The following MASTL variants were observed in gnomAD, a reference collection of about 807,000 sequenced individuals.
MASTL encodes the protein serine/threonine-protein kinase greatwall.
Under a neutral mutation model 82.5 loss-of-function variants are expected in MASTL, and 54 were observed. The observed-to-expected ratio is 0.65, with a 90% CI of 0.53 to 0.82. The LOEUF (loss-of-function observed/expected upper bound fraction) is 0.82. Among genes scored for constraint, MASTL ranks in the 40% least tolerant of loss-of-function variants. The pLI is 0.00. For synonymous variants in MASTL, 323 were observed against 368.9 expected (o/e 0.88, Z 1.43); for missense variants, 950 against 1,047.8 (o/e 0.91, Z 1.29).
Position 27,187,428 on chromosome 10 carries a change from G to A in MASTL, c.*892G>A, listed in dbSNP as rs1280606283. ...GGTTTTGCCACCTTAATTTCTATTG[G>A]TGCGTAGTCCACAATATGTATTTGT... On this transcript the variant is annotated 3_prime_UTR_variant, in exon 12 of 12. Transcript: ENST00000375940. 6.6e-6 allele frequency among the ~76,000 whole-genome samples: 1 copy of A among 152,082 alleles called. No homozygotes were observed. The highest frequency in any genetic ancestry group is 1.5e-5 in the Non-Finnish European group (1 of 68,022).
At chr10:27,177,393 T>C (rs1471596658) in intron 9 of MASTL, among the ~76,000 whole-genome samples, 1 of 152,162 alleles carries the variant, frequency 6.6e-6, no homozygotes, top group Non-Finnish European at 1.5e-5. Flanking sequence ...GGACACAGTG[T>C]GAAAGTAAGC....
rs369461453 is a variant in MASTL, at chr10:27,161,160, T to C, written c.531T>C (p.Leu177=). 5.0e-6 allele frequency: 8 copies of C among 1,604,936 alleles called. No homozygotes were observed. In the African/African-American group the frequency reaches 8.0e-5, roughly 16 times the overall value. The part of the protein sequence containing the change: ...EGHIKLTDFG[L]SKVTLNRDIN... ...ATATTAAACTGACGGATTTTGGCCT[T>C]TCAAAAGTTACTTTGAATAGAGGTA... Residue 177 remains leucine, a synonymous_variant, in exon 4 of 12, where the codon CTT becomes CTC. Coordinates refer to ENST00000375940, the MANE Select transcript of MASTL (RefSeq NM_001172303.3).
chr10:27,171,639 C>T (rs1019829860), intron 8 of MASTL, among the ~76,000 whole-genome samples: 2 of 151,034 alleles, frequency 1.3e-5, no homozygotes, highest in Non-Finnish European at 2.9e-5. Context: ...CACCATGTTG[C>T]CCAGGCTGAT....
At chr10:27,179,894 G>A (rs1436535987) in intron 9 of MASTL, among the ~76,000 whole-genome samples, 1 of 152,064 alleles carries the variant, frequency 6.6e-6, no homozygotes, top group Admixed American at 6.6e-5. Context: ...GTAGTAGTCT[G>A]CCTATTTTAG....
In MASTL at chr10:27,170,269, A is replaced by C. The variant is rs1329398305; in HGVS notation, c.1310A>C (p.His437Pro). 1 of 1,614,130 alleles carries C rather than the reference A, an allele frequency of 6.2e-7. No individual in the cohort carries two copies. Among genetic ancestry groups the C allele is most frequent in the South Asian group, 1.1e-5 (1 of 91,082 alleles). ...GATTCTGGTGGGATATCTGAAGAGC[A>C]CCTTGGGAAAAGAAGTTTAAAAAGA... ...AVDSGGISEEHLGKRSLKRNF... is the reference protein window; with the variant it reads ...AVDSGGISEEPLGKRSLKRNF... The change falls in exon 8 of 12, where the codon CAC becomes CCC. Residue 437 changes from histidine (H) to proline (P), a missense_variant. Transcript: ENST00000375940.
Position 27,186,851 on chromosome 10 carries a change from TTC to T in MASTL, c.*317_*318del, listed in dbSNP as rs2058789360. 1 of 343,592 alleles carries T rather than the reference TTC, an allele frequency of 2.9e-6. No homozygotes were observed. The highest frequency in any genetic ancestry group is 2.1e-5 in the African/African-American group (1 of 47,406). 21.3% of individuals were successfully genotyped at this position (343,592 alleles called of 1,614,324 possible). A position where few individuals can be genotyped will look rare whatever the true frequency, so the allele number is the denominator to read the frequency against. On this transcript the variant is annotated 3_prime_UTR_variant, in exon 12 of 12. Coordinates refer to ENST00000375940, the MANE Select transcript of MASTL (RefSeq NM_001172303.3). ...TTGAGAGTGAGCCACTAGCTTGATTTTCTTTCTCCTCTGATTTCAGTTCACTG... is the reference window on the plus strand; with the variant it reads ...TTGAGAGTGAGCCACTAGCTTGATTTTTTCTCCTCTGATTTCAGTTCACTG...
chr10:27,158,444 C>G, intron 1 of MASTL, 105 bp from the exon 2 acceptor site: 1 of 891,178 alleles, frequency 1.1e-6, no homozygotes, highest in Non-Finnish European at 1.8e-6. Context: ...GAAATCAAGG[C>G]TGCAATAAGC....
chr10:27,185,618 CAAAAAAAA>C (rs34847161), intron 11 of MASTL, among the ~76,000 whole-genome samples: 1 of 98,584 alleles, frequency 1.0e-5, no homozygotes, highest in Admixed American at 1.2e-4. Flanking sequence ...AGGTGACAGA[CAAAAAAAA>C]AAAAAAAAAA....
At position 27,165,369 on chromosome 10, in the gene MASTL, T is replaced by A; in HGVS notation, c.661-20T>A. 1 of 1,613,678 alleles carries A rather than the reference T, an allele frequency of 6.2e-7. No homozygotes were observed. Among genetic ancestry groups the A allele is most frequent in the Non-Finnish European group, 8.5e-7 (1 of 1,179,848 alleles). On this transcript the variant is annotated intron_variant, in intron 5 of 11. Coordinates refer to ENST00000375940, the MANE Select transcript of MASTL (RefSeq NM_001172303.3). ...TTGGGGAAGGTAAACCTGTTGTTTT[T>A]ATTTTTCTCTTTTTAATAGAACACA...
At chr10:27,157,974 G>A (rs1392165051) in intron 1 of MASTL, among the ~76,000 whole-genome samples, 1 of 152,118 alleles carries the variant, frequency 6.6e-6, no homozygotes, top group Non-Finnish European at 1.5e-5. Flanking sequence ...CAGTGGAACA[G>A]AATTTTTTTT....
rs142464831 is a variant in MASTL, at chr10:27,164,629, A to G, written c.554-435A>G. On this transcript the variant is annotated intron_variant, in intron 4 of 11. Coordinates refer to ENST00000375940, the MANE Select transcript of MASTL (RefSeq NM_001172303.3). ...CTAAAATTAATATTGATTCCATACCATCTCCTTATTTATTTATTTAGTTTT... is the reference window on the plus strand; with the variant it reads ...CTAAAATTAATATTGATTCCATACCGTCTCCTTATTTATTTATTTAGTTTT... Among the ~76,000 whole-genome samples, 328 of 152,150 alleles carry G rather than the reference A, an allele frequency of 2.2e-3. 2 individuals carry two copies. The highest frequency in any genetic ancestry group is 7.5e-3 in the African/African-American group (311 of 41,518).
intron 4 of MASTL, 107 bp from the exon 5 acceptor site, chr10:27,164,957 T>G: frequency 2.6e-6 from 2 of 768,470 alleles, no homozygotes; most frequent in Non-Finnish European, 4.5e-6. Flanking sequence ...TTTTTTAACA[T>G]TTGGTTTACA....
Position 27,186,709 on chromosome 10 carries a change from T to C in MASTL, c.*173T>C. ...AGTTAAAAGGCTGAAAGGAATATAG[T>C]CAGTAATTTATCTTAACCTCAAAAC... On this transcript the variant is annotated 3_prime_UTR_variant, in exon 12 of 12. Coordinates refer to ENST00000375940, the MANE Select transcript of MASTL (RefSeq NM_001172303.3). The C allele has an allele frequency of 1.6e-6, 1 of 644,244 alleles. No homozygotes were observed. The highest frequency in any genetic ancestry group is 2.7e-6 in the Non-Finnish European group (1 of 366,728). The allele number at this position is 644,244 out of a possible 1,614,324, so 39.9% of individuals were successfully genotyped here. A position where few individuals can be genotyped will look rare whatever the true frequency, so the allele number is the denominator to read the frequency against.
Position 27,173,395 on chromosome 10 carries a change from G to T in MASTL, c.2266+136G>T, listed in dbSNP as rs2058012815. The T allele has an allele frequency of 3.2e-6, 3 of 934,866 alleles. No homozygotes were observed. In the African/African-American group the frequency reaches 5.0e-5, roughly 15 times the overall value. 57.9% of individuals were successfully genotyped at this position (934,866 alleles called of 1,614,324 possible). ...AATGAACTCATCTAGTATATATATGGCATTTGTCATAGGAAAATAAACTAG... is the reference window on the plus strand; with the variant it reads ...AATGAACTCATCTAGTATATATATGTCATTTGTCATAGGAAAATAAACTAG... On this transcript the variant is annotated intron_variant, in intron 9 of 11. Coordinates refer to ENST00000375940, the MANE Select transcript of MASTL (RefSeq NM_001172303.3).
intron 8 of MASTL, among the ~76,000 whole-genome samples, chr10:27,171,441 A>G (rs1311142763): frequency 3.4e-5 from 3 of 87,166 alleles, no homozygotes; most frequent in East Asian, 6.2e-4. Flanking sequence ...TATTATTATT[A>G]TTATTATTAT....
At chr10:27,160,288 C>G (rs542984552) in intron 3 of MASTL, among the ~76,000 whole-genome samples, 8 of 150,608 alleles carry the variant, frequency 5.3e-5, no homozygotes, top group African/African-American at 2.0e-4. Context: ...TGAGCTACCA[C>G]GGCCCATTAA....
At chr10:27,178,968 C>T (rs189482021) in intron 9 of MASTL, among the ~76,000 whole-genome samples, 3 of 152,174 alleles carry the variant, frequency 2.0e-5, no homozygotes, top group Admixed American at 2.0e-4. Context: ...TAAAATGGCA[C>T]TCTAAATGCA....
intron 6 of MASTL, 132 bp from the exon 7 acceptor site, chr10:27,166,970 T>A (rs1588676734): frequency 1.5e-6 from 1 of 667,866 alleles, no homozygotes; most frequent in East Asian, 2.8e-5. Context: ...AAGAAATAGT[T>A]CTGATATGTA....
chr10:27,160,291 C>T (rs2057527027), intron 3 of MASTL, among the ~76,000 whole-genome samples: 1 of 151,336 alleles, frequency 6.6e-6, no homozygotes, highest in Non-Finnish European at 1.5e-5. Flanking sequence ...GCTACCACGG[C>T]CCATTAAGTA....
Sources: gnomAD v4.1 joint callset for allele counts (sites outside exome capture counted in the v4.1 genomes callset) on GRCh38, gnomAD v4.1.1 for gene constraint, MANE v1.5 for transcripts, NCBI Gene and HGNC (gene_info 2026-07-23, HGNC 2026-07-21) for gene names.